Variants in GULP1 observed in about 807,000 individuals in gnomAD.
GULP1 encodes the protein PTB domain-containing engulfment adapter protein 1.
GULP1 carries 19 observed loss-of-function variants against 40.9 expected under a neutral mutation model. The observed-to-expected ratio is 0.46, with a 90% CI of 0.32 to 0.68. The LOEUF (loss-of-function observed/expected upper bound fraction) is 0.68, where lower values mean the gene tolerates loss of function less well. Among genes scored for constraint, GULP1 ranks in the 30% least tolerant of loss-of-function variants. The pLI is 0.03. For missense variants in GULP1, 312 were observed against 362.2 expected (o/e 0.86, Z 1.12); for synonymous variants, 119 against 117.6 (o/e 1.01, Z -0.08).
At chr2:188,524,228 A>G (rs1416682058) in intron 5 of GULP1, among the ~76,000 whole-genome samples, 2 of 152,196 alleles carry the variant, frequency 1.3e-5, no homozygotes, top group African/African-American at 2.4e-5. Flanking sequence ...AAAAAATTCA[A>G]TTGAATAATG....
chr2:188,388,597 G>A (rs1485628513), intron 2 of GULP1, among the ~76,000 whole-genome samples: 3 of 151,984 alleles, frequency 2.0e-5, no homozygotes, highest in African/African-American at 4.8e-5. Flanking sequence ...AGTGATATGT[G>A]TGTTAGACTA....
At chr2:188,347,981 G>A (rs545748937) in intron 1 of GULP1, among the ~76,000 whole-genome samples, 13 of 152,060 alleles carry the variant, frequency 8.5e-5, no homozygotes, top group Non-Finnish European at 1.9e-4. Flanking sequence ...AATGAATTAT[G>A]GAACTTATTA....
chr2:188,435,148 T>C (rs113718524), intron 2 of GULP1, among the ~76,000 whole-genome samples: 44 of 152,208 alleles, frequency 2.9e-4, no homozygotes, highest in African/African-American at 1.0e-3. Context: ...ATCACTCTTA[T>C]TCCAGTTTGT....
chr2:188,542,457 A>G (rs1690774655), intron 7 of GULP1, among the ~76,000 whole-genome samples: 1 of 152,182 alleles, frequency 6.6e-6, no homozygotes, highest in Non-Finnish European at 1.5e-5. Context: ...TAGGTGCTCA[A>G]TGAAACATTC....
intron 3 of GULP1, among the ~76,000 whole-genome samples, chr2:188,478,107 T>TTG (rs933740187): frequency 7.3e-5 from 11 of 151,542 alleles, no homozygotes; most frequent in South Asian, 2.1e-4. Context: ...TCATTCATAA[T>TTG]TGTGTGTGTG....
At chr2:188,475,807 A>G (rs547952506) in intron 2 of GULP1, among the ~76,000 whole-genome samples, 45 of 152,272 alleles carry the variant, frequency 3.0e-4, no homozygotes, top group African/African-American at 1.1e-3. Flanking sequence ...CAAATATATT[A>G]TATTCTCTGT....
At chr2:188,431,496 A>T (rs1240136320) in intron 2 of GULP1, among the ~76,000 whole-genome samples, 1 of 152,202 alleles carries the variant, frequency 6.6e-6, no homozygotes, top group Non-Finnish European at 1.5e-5. Flanking sequence ...AGAATTAAAA[A>T]TTTAAAACTT....
intron 11 of GULP1, chr2:188,589,609 G>A (rs1703112393): frequency 2.3e-6 from 1 of 435,070 alleles, no homozygotes. Context: ...GAAACCAAGT[G>A]TGAGACACAA....
At chr2:188,416,599 A>G (rs1363025875) in intron 2 of GULP1, among the ~76,000 whole-genome samples, 1 of 152,124 alleles carries the variant, frequency 6.6e-6, no homozygotes, top group African/African-American at 2.4e-5. Context: ...TAGTCTTGTG[A>G]TGGAAGAGAT....
At chr2:188,556,479 T>G (rs2153394338) in intron 7 of GULP1, among the ~76,000 whole-genome samples, 1 of 152,330 alleles carries the variant, frequency 6.6e-6, no homozygotes, top group Non-Finnish European at 1.5e-5. Flanking sequence ...TTCAGATTTC[T>G]TTTGTATTTC....
intron 1 of GULP1, among the ~76,000 whole-genome samples, chr2:188,344,086 G>A (rs67050668): frequency 0.14 from 22,020 of 152,214 alleles, 2,070 homozygotes; most frequent in South Asian, 0.26. Context: ...AGGATTACAG[G>A]CATGAGCCAC....
chr2:188,539,472 C>T (rs968265161), intron 6 of GULP1, among the ~76,000 whole-genome samples: 1 of 152,010 alleles, frequency 6.6e-6, no homozygotes, highest in African/African-American at 2.4e-5. Flanking sequence ...CAAATATGAT[C>T]ATTGTCCATC....
chr2:188,464,104 A>T (rs2059927663), intron 2 of GULP1, among the ~76,000 whole-genome samples: 1 of 152,102 alleles, frequency 6.6e-6, no homozygotes, highest in Admixed American at 6.6e-5. Context: ...TTGAAGAGTT[A>T]GGTATTTATT....
intron 2 of GULP1, among the ~76,000 whole-genome samples, chr2:188,450,401 A>T (rs995879800): frequency 6.6e-6 from 1 of 152,136 alleles, no homozygotes; most frequent in African/African-American, 2.4e-5. Context: ...TTTTTAAACC[A>T]TTTCTTGCCA....
chr2:188,379,745 A>G (rs1259322759), intron 1 of GULP1, among the ~76,000 whole-genome samples: 2 of 152,196 alleles, frequency 1.3e-5, no homozygotes, highest in African/African-American at 4.8e-5. Context: ...AAAGTTTTAT[A>G]CAAAAGAGTT....
intron 2 of GULP1, among the ~76,000 whole-genome samples, chr2:188,424,525 A>G (rs565570243): frequency 5.4e-4 from 82 of 152,060 alleles, no homozygotes; most frequent in Non-Finnish European, 7.7e-4. Context: ...GTGAATTTCT[A>G]AAAAAGAAAA....
chr2:188,393,085 C>T (rs1471011987), intron 2 of GULP1, among the ~76,000 whole-genome samples: 1 of 151,534 alleles, frequency 6.6e-6, no homozygotes, highest in Non-Finnish European at 1.5e-5. Context: ...CTGTAAATAT[C>T]TGTTAGGTCA....
intron 2 of GULP1, among the ~76,000 whole-genome samples, chr2:188,404,646 C>A (rs930150620): frequency 6.6e-6 from 1 of 152,214 alleles, no homozygotes; most frequent in Admixed American, 6.5e-5. Flanking sequence ...GACTTTATCT[C>A]TGGGCCCACC....
intron 2 of GULP1, among the ~76,000 whole-genome samples, chr2:188,451,885 G>T (rs1241143529): frequency 6.6e-6 from 1 of 152,032 alleles, no homozygotes; most frequent in Non-Finnish European, 1.5e-5. Context: ...GTAAGTTAAA[G>T]TTTTATTTTA....
Sources: gnomAD v4.1 joint callset for allele counts (sites outside exome capture counted in the v4.1 genomes callset) on GRCh38, gnomAD v4.1.1 for gene constraint, MANE v1.5 for transcripts, NCBI Gene and HGNC (gene_info 2026-07-23, HGNC 2026-07-21) for gene names.